The following CYREN variants were observed in gnomAD, a reference collection of about 807,000 sequenced individuals.
CYREN encodes cell cycle regulator of non-homologous end joining.
In CYREN, 7 loss-of-function variants were observed where a neutral mutation model predicts 9.7. That is an observed-to-expected ratio of 0.72 (90% CI 0.41 to 1.36). CYREN has a LOEUF of 1.36. CYREN is among the 40% of genes most tolerant of loss of function. The probability of loss-of-function intolerance (pLI) is 0.01; values close to 1 mark genes in which losing one functional copy is unlikely to be tolerated. For missense variants in CYREN, 215 were observed against 198.1 expected (o/e 1.09, Z -0.51); for synonymous variants, 76 against 77.9 (o/e 0.98, Z 0.13).
chr7:135,138,024 A>C (rs936816306), intron 2 of CYREN, among the ~76,000 whole-genome samples: 17 of 119,432 alleles, frequency 1.4e-4, no homozygotes, highest in Admixed American at 2.6e-4. Context: ...CAACATATGA[A>C]ATTTGGGGGA....
chr7:135,171,886 G>A (rs1056925587), upstream of CYREN, among the ~76,000 whole-genome samples: 5 of 152,250 alleles, frequency 3.3e-5, no homozygotes, highest in Non-Finnish European at 7.3e-5. Flanking sequence ...TGCCAGAGCA[G>A]CGCATAGCAG....
intron 1 of CYREN, 43 bp downstream of exon 1, chr7:135,170,609 G>T (rs578159154): frequency 6.6e-6 from 1 of 152,392 alleles, no homozygotes; most frequent in Non-Finnish European, 1.5e-5. Context: ...CCAGAGCGGA[G>T]CCGGGAGGCA....
intron 2 of CYREN, chr7:135,128,692 C>CT: frequency 7.5e-7 from 1 of 1,325,138 alleles, no homozygotes; most frequent in South Asian, 1.2e-5. Context: ...ATTGTCTCTC[C>CT]TTTTGAGCTC....
chr7:135,155,017 A>G (rs1291695708), intron 2 of CYREN, among the ~76,000 whole-genome samples: 2 of 152,148 alleles, frequency 1.3e-5, no homozygotes, highest in Non-Finnish European at 2.9e-5. Context: ...GGGTGCTTCA[A>G]TGTTGGGTAC....
At chr7:135,171,063 C>A (rs1041274141), upstream of CYREN, among the ~76,000 whole-genome samples, 18 of 152,140 alleles carry the variant, frequency 1.2e-4, no homozygotes, top group African/African-American at 4.1e-4. Context: ...CCTGCTGGGC[C>A]AGGCCCCCCT....
At chr7:135,108,286 C>T (rs1200996648) in intron 2 of CYREN, among the ~76,000 whole-genome samples, 3 of 152,030 alleles carry the variant, frequency 2.0e-5, no homozygotes, top group Non-Finnish European at 4.4e-5. Context: ...TGCTGGCTGG[C>T]TTGTGTGATT....
intron 2 of CYREN, among the ~76,000 whole-genome samples, chr7:135,137,522 A>G (rs540217281): frequency 6.6e-6 from 1 of 152,038 alleles, no homozygotes; most frequent in Non-Finnish European, 1.5e-5. Context: ...ACCAAACCAC[A>G]GATCCAGAAA....
intron 2 of CYREN, among the ~76,000 whole-genome samples, chr7:135,145,131 C>T (rs1432912275): frequency 6.6e-6 from 1 of 151,872 alleles, no homozygotes; most frequent in Non-Finnish European, 1.5e-5. Flanking sequence ...GGAAGCAGAA[C>T]AAATTTAAAC....
intron 2 of CYREN, among the ~76,000 whole-genome samples, chr7:135,114,137 T>G (rs1363787765): frequency 6.6e-6 from 1 of 152,168 alleles, no homozygotes; most frequent in African/African-American, 2.4e-5. Flanking sequence ...TTGGCTATTA[T>G]GAATAATGCT....
At chr7:135,124,946 C>T (rs918960202) in intron 2 of CYREN, among the ~76,000 whole-genome samples, 18 of 152,020 alleles carry the variant, frequency 1.2e-4, no homozygotes, top group Non-Finnish European at 1.9e-4. Context: ...CATCAGAAAG[C>T]GAGAAAGATC....
intron 2 of CYREN, among the ~76,000 whole-genome samples, chr7:135,098,258 T>C (rs1432572292): frequency 6.6e-5 from 10 of 152,168 alleles, no homozygotes; most frequent in Admixed American, 5.9e-4. Flanking sequence ...CTCCTACAGA[T>C]ACCAAAATCT....
At chr7:135,132,693 G>C (rs1828944971) in intron 2 of CYREN, among the ~76,000 whole-genome samples, 1 of 152,118 alleles carries the variant, frequency 6.6e-6, no homozygotes, top group Admixed American at 6.6e-5. Flanking sequence ...GAGATCCGAT[G>C]GTTTTATAAA....
intron 2 of CYREN, among the ~76,000 whole-genome samples, chr7:135,104,844 T>C (rs1484960552): frequency 3.3e-5 from 5 of 151,996 alleles, no homozygotes; most frequent in Non-Finnish European, 5.9e-5. Flanking sequence ...CTTTGTCAGA[T>C]GCAAATATTT....
chr7:135,122,218 A>C (rs1157888869), intron 2 of CYREN, among the ~76,000 whole-genome samples: 2 of 152,182 alleles, frequency 1.3e-5, no homozygotes, highest in Non-Finnish European at 2.9e-5. Flanking sequence ...GAGGCTGAAC[A>C]GCTTGGTTCC....
At chr7:135,155,830 G>A (rs571363409) in intron 2 of CYREN, among the ~76,000 whole-genome samples, 3 of 152,220 alleles carry the variant, frequency 2.0e-5, no homozygotes, top group Non-Finnish European at 4.4e-5. Context: ...CAGGTTGAGT[G>A]ACAAAGCAAG....
chr7:135,167,885 G>T, intron 2 of CYREN, 78 bp from the exon 3 acceptor site: 1 of 1,601,820 alleles, frequency 6.2e-7, no homozygotes, highest in Non-Finnish European at 8.5e-7. Flanking sequence ...GAGAAGCAGG[G>T]CCTCTTCCCC....
intron 2 of CYREN, among the ~76,000 whole-genome samples, chr7:135,146,628 G>A (rs183215332): frequency 1.4e-4 from 21 of 152,340 alleles, no homozygotes; most frequent in Admixed American, 1.4e-3. Flanking sequence ...AGAGGAGGAA[G>A]AGAGGAAGCA....
intron 2 of CYREN, among the ~76,000 whole-genome samples, chr7:135,130,437 G>A (rs1828572362): frequency 6.6e-6 from 1 of 151,900 alleles, no homozygotes; most frequent in African/African-American, 2.4e-5. Flanking sequence ...AACTTTCCTG[G>A]GTGTTAGAGC....
In CYREN at chr7:135,096,789, A is replaced by AAG. The variant is rs1387222478; in HGVS notation, n.357-2209_357-2208dup. 3.3e-5 allele frequency among the ~76,000 whole-genome samples: 5 copies of AAG among 150,258 alleles called. No individual in the cohort carries two copies. In the East Asian group the frequency reaches 7.8e-4, roughly 23 times the overall value. On this transcript the variant is annotated intron_variant and non_coding_transcript_variant, in intron 2 of 2. Transcript: ENST00000459937. ...AAAGAAAGAAAGAAAGAAAGAAAGA[A>AAG]AGAAAAAGGGAAGAAGGAAGGACAT... is the stretch of plus-strand genomic sequence containing the variant.
Sources: gnomAD v4.1 joint callset for allele counts (sites outside exome capture counted in the v4.1 genomes callset) on GRCh38, gnomAD v4.1.1 for gene constraint, MANE v1.5 for transcripts, NCBI Gene and HGNC (gene_info 2026-07-23, HGNC 2026-07-21) for gene names.